CSMD1: variants seen among roughly 807,000 people sequenced by gnomAD.
CSMD1 encodes the protein CUB and Sushi multiple domains 1.
Under a neutral mutation model 417.5 loss-of-function variants are expected in CSMD1, and 213 were observed. The ratio of observed to expected loss-of-function variants is 0.51; its 90% CI spans 0.46 to 0.57. The LOEUF (loss-of-function observed/expected upper bound fraction) is 0.57, where lower values mean the gene tolerates loss of function less well. CSMD1 is among the 20% of genes least tolerant of loss of function. The probability of loss-of-function intolerance (pLI) is 0.00; values close to 1 mark genes in which losing one functional copy is unlikely to be tolerated. For synonymous variants in CSMD1, 2,862 were observed against 1,736.8 expected (o/e 1.65, Z -16.11); for missense variants, 6,923 against 4,529.7 (o/e 1.53, Z -15.17).
At chr8:4,330,920 T>A (rs1465601247) in intron 3 of CSMD1, among the ~76,000 whole-genome samples, 2 of 152,098 alleles carry the variant, frequency 1.3e-5, no homozygotes, top group African/African-American at 4.8e-5. Context: ...GCACCCTACA[T>A]TGGATTCACT....
chr8:4,932,399 TTCCTTCTGTGAGGTGA>T (rs1278432855), intron 1 of CSMD1, among the ~76,000 whole-genome samples: 1 of 151,824 alleles, frequency 6.6e-6, no homozygotes, highest in African/African-American at 2.4e-5. Context: ...ACAGAGTTTG[TTCCTTCTGTGAGGTGA>T]AGACACGAAG....
chr8:3,809,860 G>C (rs1219583605), intron 5 of CSMD1, among the ~76,000 whole-genome samples: 1 of 152,152 alleles, frequency 6.6e-6, no homozygotes, highest in Non-Finnish European at 1.5e-5. Flanking sequence ...AAACTGGTGA[G>C]AACGTCAATA....
chr8:4,109,760 AAGAC>A (rs1801755483), intron 3 of CSMD1, among the ~76,000 whole-genome samples: 1 of 152,186 alleles, frequency 6.6e-6, no homozygotes, highest in South Asian at 2.1e-4. Flanking sequence ...CATGTAACAT[AAGAC>A]AGTTTGATTT....
At chr8:3,348,222 A>C in intron 21 of CSMD1, 61 bp from the exon 22 acceptor site, 1 of 1,339,134 alleles carries the variant, frequency 7.5e-7, no homozygotes, top group Non-Finnish European at 1.0e-6. Context: ...TTTTTAACAG[A>C]TTAAAAACTT....
chr8:3,125,585 C>T (rs1021198862), intron 41 of CSMD1, among the ~76,000 whole-genome samples: 1 of 152,198 alleles, frequency 6.6e-6, no homozygotes, highest in African/African-American at 2.4e-5. Flanking sequence ...AGCTGAAGGT[C>T]ACAACTTCTG....
intron 10 of CSMD1, among the ~76,000 whole-genome samples, chr8:3,545,868 T>C (rs10086848): frequency 0.047 from 7,202 of 152,242 alleles, 493 homozygotes; most frequent in African/African-American, 0.15. Flanking sequence ...AGTCAAGCAG[T>C]TGGTGCAAAC....
At chr8:3,547,208 T>G (rs1798704448) in intron 10 of CSMD1, among the ~76,000 whole-genome samples, 1 of 152,240 alleles carries the variant, frequency 6.6e-6, no homozygotes, top group African/African-American at 2.4e-5. Context: ...CCACATGGCT[T>G]TGACTTCGGC....
chr8:4,484,055 C>G (rs759752248), intron 2 of CSMD1, among the ~76,000 whole-genome samples: 1 of 152,156 alleles, frequency 6.6e-6, no homozygotes, highest in Non-Finnish European at 1.5e-5. Context: ...GTCTGCCAAG[C>G]AATACCTCAG....
At position 3,443,667 on chromosome 8, in the gene CSMD1, T is replaced by C. The variant is rs1469709306; in HGVS notation, c.1561+25045A>G. ...ATCAAAGTATGCAAATCTTTGTATA[T>C]CACAATAAAACAAAATTATTTTAAA... On this transcript the variant is annotated intron_variant, in intron 12 of 69. Transcript: ENST00000635120. Among the ~76,000 whole-genome samples the C allele has an allele frequency of 2.6e-5, 4 of 152,270 alleles. No homozygotes were observed. In the South Asian group the frequency reaches 6.2e-4, roughly 24 times the overall value.
chr8:3,583,473 A>G (rs1489561743), intron 9 of CSMD1, among the ~76,000 whole-genome samples: 1 of 152,048 alleles, frequency 6.6e-6, no homozygotes, highest in Non-Finnish European at 1.5e-5. Flanking sequence ...AGGTGGCAGA[A>G]GCTTAGCAGA....
intron 10 of CSMD1, among the ~76,000 whole-genome samples, chr8:3,557,214 T>C (rs1401202970): frequency 1.3e-5 from 2 of 152,222 alleles, no homozygotes; most frequent in Non-Finnish European, 2.9e-5. Flanking sequence ...TATGTATTAG[T>C]ACAACATATT....
At chr8:3,643,736 CTGCCTTTTCCAGCTACTTAA>C (rs1462002805) in intron 7 of CSMD1, among the ~76,000 whole-genome samples, 2 of 140,428 alleles carry the variant, frequency 1.4e-5, no homozygotes, top group East Asian at 4.4e-4. Context: ...AATGCCTCCT[CTGCCTTTTCCAGCTACTTAA>C]TCACCTCCTA....
intron 5 of CSMD1, among the ~76,000 whole-genome samples, chr8:3,945,893 C>A (rs1811189533): frequency 2.0e-5 from 3 of 152,108 alleles, no homozygotes; most frequent in African/African-American, 7.2e-5. Flanking sequence ...TAAGAACGTA[C>A]TGACTATTCA....
intron 3 of CSMD1, among the ~76,000 whole-genome samples, chr8:4,218,937 T>A (rs762867184): frequency 2.6e-5 from 4 of 152,202 alleles, no homozygotes; most frequent in Admixed American, 1.3e-4. Flanking sequence ...GGTCATTCTC[T>A]GAGCAATGCT....
At chr8:3,531,671 C>G (rs956854596) in intron 10 of CSMD1, among the ~76,000 whole-genome samples, 2 of 152,120 alleles carry the variant, frequency 1.3e-5, no homozygotes, top group African/African-American at 4.8e-5. Context: ...ACTATTTATG[C>G]AGATAATGAG....
At chr8:3,283,991 T>C (rs926131488) in intron 26 of CSMD1, among the ~76,000 whole-genome samples, 153 bp downstream of exon 26, 4 of 152,378 alleles carry the variant, frequency 2.6e-5, no homozygotes, top group Non-Finnish European at 4.4e-5. Context: ...GGAAGAGAAC[T>C]CTTCTCTGCA....
intron 2 of CSMD1, among the ~76,000 whole-genome samples, chr8:4,633,799 G>A (rs546766540): frequency 2.0e-5 from 3 of 152,148 alleles, no homozygotes; most frequent in East Asian, 3.9e-4. Flanking sequence ...GACCTCAGGT[G>A]ATCCACCCGC....
At chr8:4,427,831 A>G (rs1797652716) in intron 2 of CSMD1, among the ~76,000 whole-genome samples, 1 of 152,170 alleles carries the variant, frequency 6.6e-6, no homozygotes, top group Non-Finnish European at 1.5e-5. Context: ...TAACCTATTG[A>G]ATAATTCTTT....
intron 3 of CSMD1, among the ~76,000 whole-genome samples, chr8:4,034,376 C>A (rs1280486106): frequency 6.6e-6 from 1 of 152,158 alleles, no homozygotes; most frequent in Non-Finnish European, 1.5e-5. Flanking sequence ...TGAGAGCAGT[C>A]TACAGAAATC....
Sources: gnomAD v4.1 joint callset for allele counts (sites outside exome capture counted in the v4.1 genomes callset) on GRCh38, gnomAD v4.1.1 for gene constraint, MANE v1.5 for transcripts, NCBI Gene and HGNC (gene_info 2026-07-23, HGNC 2026-07-21) for gene names.